The following DCTN5 variants were observed in gnomAD, a reference collection of about 807,000 sequenced individuals.
DCTN5 encodes dynactin 4.
Under a neutral mutation model 23.5 loss-of-function variants are expected in DCTN5, and 14 were observed. That is an observed-to-expected ratio of 0.60 (90% CI 0.39 to 0.93). The LOEUF (loss-of-function observed/expected upper bound fraction) is 0.93, where lower values mean the gene tolerates loss of function less well. Among genes scored for constraint, DCTN5 ranks in the 40% least tolerant of loss-of-function variants. DCTN5 has a pLI of 0.00. For missense variants in DCTN5, 156 were observed against 225.9 expected, an observed-to-expected ratio of 0.69 and a Z score of 1.98; for synonymous variants, 67 against 79.6, an observed-to-expected ratio of 0.84 and a Z score of 0.84.
chr16:23,663,775 C>T (rs1052238924), intron 4 of DCTN5, among the ~76,000 whole-genome samples: 3 of 151,950 alleles, frequency 2.0e-5, no homozygotes, highest in African/African-American at 7.2e-5. Flanking sequence ...CCAGTACATT[C>T]ATGCCTAAGA....
intron 4 of DCTN5, among the ~76,000 whole-genome samples, chr16:23,662,051 TAAAAA>T (rs113915766): frequency 7.2e-6 from 1 of 137,946 alleles, no homozygotes; most frequent in Non-Finnish European, 1.6e-5. Flanking sequence ...CCCTTTCTCT[TAAAAA>T]AAAAAAAAAC....
chr16:23,665,302 TGC>T (rs1460788724), intron 4 of DCTN5, among the ~76,000 whole-genome samples: 1 of 152,126 alleles, frequency 6.6e-6, no homozygotes, highest in African/African-American at 2.4e-5. Context: ...GGGGAATGGA[TGC>T]TGGACAAGCA....
At chr16:23,658,145 A>G (rs941358406) in intron 2 of DCTN5, among the ~76,000 whole-genome samples, 4 of 152,242 alleles carry the variant, frequency 2.6e-5, no homozygotes, top group Non-Finnish European at 5.9e-5. Flanking sequence ...TAAAGCAGCC[A>G]GAACTCTTGG....
chr16:23,658,461 T>A (rs1567232265), intron 2 of DCTN5, 46 bp from the exon 3 acceptor site: 1 of 1,267,032 alleles, frequency 7.9e-7, no homozygotes, highest in South Asian at 1.2e-5. Context: ...TTTTGTTACG[T>A]CTTAGGCTAT....
chr16:23,665,978 G>C, intron 5 of DCTN5: 1 of 500,628 alleles, frequency 2.0e-6, no homozygotes, highest in Non-Finnish European at 3.6e-6. Context: ...CTAAGCCCAA[G>C]CTGTGAGATT....
chr16:23,663,241 T>C (rs1273375817), intron 4 of DCTN5, among the ~76,000 whole-genome samples: 1 of 152,232 alleles, frequency 6.6e-6, no homozygotes, highest in Non-Finnish European at 1.5e-5. Context: ...GAGTTTTACA[T>C]TTATTCTCTC....
rs1408710851 is a variant in DCTN5 at position 23,670,498 on chromosome 16, C to T, written c.*3354C>T. ...GCCTTTCTCTGTATCCTGTTCTATC[C>T]AGTGAGAGCCTAGAGGGTGCTGCCC... On this transcript the variant is annotated 3_prime_UTR_variant, in exon 6 of 6. Transcript: ENST00000300087. 1.3e-5 allele frequency: 2 copies of T among 152,078 alleles called. No individual in the cohort carries two copies. Among genetic ancestry groups the T allele is most frequent in the African/African-American group, 4.8e-5 (2 of 41,396 alleles). The allele number at this position is 152,078 out of a possible 1,614,324, so 9.4% of individuals were successfully genotyped here.
intron 2 of DCTN5, among the ~76,000 whole-genome samples, chr16:23,653,639 C>T (rs1035408782): frequency 2.6e-5 from 4 of 152,140 alleles, no homozygotes; most frequent in African/African-American, 7.2e-5. Context: ...GACATAGGTA[C>T]AGGCAAAGAT....
intron 2 of DCTN5, among the ~76,000 whole-genome samples, chr16:23,644,616 A>G (rs1244181455): frequency 1.3e-5 from 2 of 151,446 alleles, no homozygotes; most frequent in African/African-American, 4.8e-5. Context: ...TTGTATTTTT[A>G]GTAGAGACAG....
chr16:23,660,914 T>C (rs1004211085), intron 3 of DCTN5, among the ~76,000 whole-genome samples: 4 of 152,232 alleles, frequency 2.6e-5, no homozygotes, highest in Non-Finnish European at 4.4e-5. Flanking sequence ...ACCTGCTCTT[T>C]TAGCTTTGAA....
intron 2 of DCTN5, among the ~76,000 whole-genome samples, chr16:23,650,480 ATT>A (rs528424379): frequency 7.5e-5 from 10 of 133,880 alleles, no homozygotes; most frequent in Admixed American, 1.5e-4. Context: ...CACCTGGCTA[ATT>A]TTTTTTTTTT....
Position 23,647,356 on chromosome 16 carries a change from C to T in DCTN5, c.117+4333C>T, listed in dbSNP as rs373448014. Among the ~76,000 whole-genome samples, 117 of 150,716 alleles carry T rather than the reference C, an allele frequency of 7.8e-4. 2 individuals are homozygous for T. The highest frequency in any genetic ancestry group is 2.0e-3 in the African/African-American group (82 of 41,048). ...AACTCCTGACCTCAGGTGATCCGCC[C>T]GCCTTGGCCTACCAAAGTAGTGGGA... On this transcript the variant is annotated intron_variant, in intron 2 of 5. Coordinates refer to ENST00000300087, the MANE Select transcript of DCTN5 (RefSeq NM_032486.4).
At chr16:23,653,825 C>T (rs1967648080) in intron 2 of DCTN5, among the ~76,000 whole-genome samples, 1 of 152,142 alleles carries the variant, frequency 6.6e-6, no homozygotes, top group South Asian at 2.1e-4. Context: ...TAATATCCAG[C>T]ATCTAAAGGA....
chr16:23,654,420 CAT>C (rs1287678974), intron 2 of DCTN5, among the ~76,000 whole-genome samples: 9 of 151,918 alleles, frequency 5.9e-5, no homozygotes, highest in African/African-American at 1.9e-4. Flanking sequence ...CACATGGACA[CAT>C]AGAGGGGAAC....
At chr16:23,654,241 A>G (rs1967658411) in intron 2 of DCTN5, among the ~76,000 whole-genome samples, 1 of 152,212 alleles carries the variant, frequency 6.6e-6, no homozygotes, top group African/African-American at 2.4e-5. Flanking sequence ...TCATTGCAAC[A>G]CTGTTCACAA....
At position 23,669,847 on chromosome 16, in the gene DCTN5, C is replaced by T. The variant is rs1167630966; in HGVS notation, c.*2703C>T. 1 of 152,194 alleles carries T rather than the reference C, an allele frequency of 6.6e-6. No individual in the cohort carries two copies. The highest frequency in any genetic ancestry group is 1.5e-5 in the Non-Finnish European group (1 of 68,066). 9.4% of individuals were successfully genotyped at this position (152,194 alleles called of 1,614,324 possible). A position where few individuals can be genotyped will look rare whatever the true frequency, so the allele number is the denominator to read the frequency against. On this transcript the variant is annotated 3_prime_UTR_variant, in exon 6 of 6. Coordinates refer to ENST00000300087, the MANE Select transcript of DCTN5 (RefSeq NM_032486.4). The stretch of plus-strand genomic sequence containing the variant: ...GCCAAAGTGGGTGTTCAATAAAGAA[C>T]CATTTGGAGATGGTCTTCTGTCTGG...
chr16:23,644,591 C>T (rs915764516), intron 2 of DCTN5, among the ~76,000 whole-genome samples: 5 of 151,732 alleles, frequency 3.3e-5, no homozygotes, highest in African/African-American at 1.2e-4. Flanking sequence ...TGAGCCACCG[C>T]GCCTGGCCTA....
intron 1 of DCTN5, 115 bp downstream of exon 1, chr16:23,641,705 C>T: frequency 9.3e-6 from 10 of 1,080,518 alleles, no homozygotes; most frequent in South Asian, 1.3e-5. Flanking sequence ...GGCCATTAGT[C>T]CCGGATTATC....
At chr16:23,643,637 G>C (rs752542717) in intron 2 of DCTN5, among the ~76,000 whole-genome samples, 5 of 152,006 alleles carry the variant, frequency 3.3e-5, no homozygotes, top group Non-Finnish European at 1.5e-5. Flanking sequence ...GGCACAAAGT[G>C]TAACAGGTAA....
Sources: allele counts gnomAD v4.1 joint callset (sites outside exome capture counted in the v4.1 genomes callset), GRCh38; gene constraint gnomAD v4.1.1; transcripts MANE v1.5; gene names NCBI Gene and HGNC (gene_info 2026-07-23, HGNC 2026-07-21).